Variants in RNLS observed in about 807,000 individuals in gnomAD.
The protein encoded by RNLS is renalase.
A neutral mutation model predicts 39.8 loss-of-function variants in RNLS; 39 were observed. That is an observed-to-expected ratio of 0.98 (90% confidence interval 0.76 to 1.28). The LOEUF is 1.28. RNLS is among the 50% of genes most tolerant of loss of function. The pLI is 0.00. For synonymous variants in RNLS, 147 were observed against 150.7 expected, an observed-to-expected ratio of 0.98 and a Z score of 0.18; for missense variants, 410 against 413.3, an observed-to-expected ratio of 0.99 and a Z score of 0.07.
chr10:88,248,894 G>A, the RNLS span, among the ~76,000 whole-genome samples: 1 of 152,150 alleles, frequency 6.6e-6, no homozygotes, highest in East Asian at 1.9e-4. Context: ...GAAGTTTCCT[G>A]AACATGCTGT....
chr10:88,224,248 A>G, the RNLS span, among the ~76,000 whole-genome samples: 24 of 152,292 alleles, frequency 1.6e-4, no homozygotes, highest in African/African-American at 5.5e-4. Context: ...TGCTTCACAG[A>G]TGGTGTTTTC....
At chr10:88,397,109 CA>C (rs1481060930) in intron 4 of RNLS, among the ~76,000 whole-genome samples, 1 of 151,854 alleles carries the variant, frequency 6.6e-6, no homozygotes, top group Non-Finnish European at 1.5e-5. Context: ...CACTATAAAC[CA>C]ATTAAACCTG....
At chr10:88,546,300 A>G (rs1848310167) in intron 4 of RNLS, among the ~76,000 whole-genome samples, 1 of 152,028 alleles carries the variant, frequency 6.6e-6, no homozygotes, top group Non-Finnish European at 1.5e-5. Context: ...CATTTTGTAA[A>G]TGTAAGAGTA....
intron 4 of RNLS, among the ~76,000 whole-genome samples, chr10:88,409,744 A>T (rs939653477): frequency 6.6e-6 from 1 of 152,138 alleles, no homozygotes; most frequent in South Asian, 2.1e-4. Flanking sequence ...CAGAGCTGAA[A>T]TTCATTTCTG....
chr10:88,502,751 C>T (rs1246641069), intron 4 of RNLS, among the ~76,000 whole-genome samples: 6 of 152,198 alleles, frequency 3.9e-5, no homozygotes, highest in African/African-American at 1.4e-4. Context: ...AGAAGGGCTA[C>T]ACATTAGGAA....
intron 4 of RNLS, among the ~76,000 whole-genome samples, chr10:88,510,671 C>T (rs1232924510): frequency 6.6e-6 from 1 of 151,660 alleles, no homozygotes; most frequent in South Asian, 2.1e-4. Flanking sequence ...GGTAAAATCC[C>T]GTCTCTAATA....
Position 88,285,446 on chromosome 10 carries a change from C to G in RNLS, c.937G>C (p.Ala313Pro), listed in dbSNP as rs749655770. ...TGAGTAAATCCATCCCCTCCACATGCAAGGAAAGGTTTGTGATGCAGAGTC... is the reference window on the plus strand; with the variant it reads ...TGAGTAAATCCATCCCCTCCACATGGAAGGAAAGGTTTGTGATGCAGAGTC... ...QMTLHHKPFL[A>P]CGGDGFTQSN... Residue 313 changes from alanine (A) to proline (P), a missense_variant, in exon 7 of 7, where the codon GCA (alanine) becomes CCA (proline). Physicochemically the swap from Ala to Pro is conservative, Grantham distance 27. Transcript: ENST00000331772. The G allele has an allele frequency of 6.2e-7, 1 of 1,613,280 alleles. No homozygotes were observed. The highest frequency in any genetic ancestry group is 1.1e-5 in the South Asian group (1 of 91,048).
intron 5 of RNLS, among the ~76,000 whole-genome samples, chr10:88,354,279 G>T (rs1408662758): frequency 6.6e-6 from 1 of 152,120 alleles, no homozygotes; most frequent in African/African-American, 2.4e-5. Flanking sequence ...TGGTTATTTT[G>T]CTCGTTAGTT....
intron 5 of RNLS, among the ~76,000 whole-genome samples, chr10:88,330,531 T>G (rs1847034628): frequency 6.6e-6 from 1 of 152,102 alleles, no homozygotes; most frequent in South Asian, 2.1e-4. Context: ...AATCAGAAAC[T>G]AAAATTCTTA....
At chr10:88,241,266 G>A in the RNLS span, among the ~76,000 whole-genome samples, 4 of 148,198 alleles carry the variant, frequency 2.7e-5, no homozygotes, top group African/African-American at 4.9e-5. Flanking sequence ...AAAAAAGTCC[G>A]CAAAGTTTTC....
chr10:88,351,394 A>G (rs866961249), intron 5 of RNLS, among the ~76,000 whole-genome samples: 33 of 152,280 alleles, frequency 2.2e-4, no homozygotes, highest in African/African-American at 6.3e-4. Context: ...TCCATCTTGA[A>G]TTAATTTTTG....
intron 4 of RNLS, among the ~76,000 whole-genome samples, chr10:88,367,121 A>G (rs2133400064): frequency 6.6e-6 from 1 of 152,160 alleles, no homozygotes; most frequent in East Asian, 1.9e-4. Flanking sequence ...CATAGAGAAA[A>G]TTATGCCTTG....
At chr10:88,267,343 C>T in the RNLS span, among the ~76,000 whole-genome samples, 1 of 152,192 alleles carries the variant, frequency 6.6e-6, no homozygotes, top group South Asian at 2.1e-4. Context: ...TTGGGAGGCT[C>T]AGTCAGGAGG....
intron 4 of RNLS, among the ~76,000 whole-genome samples, chr10:88,382,088 C>A (rs1003486818): frequency 4.6e-5 from 7 of 152,042 alleles, no homozygotes; most frequent in African/African-American, 7.2e-5. Context: ...TATTGCTTTG[C>A]AGTGCTGCTG....
chr10:88,194,922 CT>C, the RNLS span, among the ~76,000 whole-genome samples: 1 of 152,068 alleles, frequency 6.6e-6, no homozygotes, highest in Non-Finnish European at 1.5e-5. Context: ...ACTTTGTTTT[CT>C]TTTTTAGCTT....
chr10:88,483,626 T>C (rs149070509), intron 4 of RNLS, among the ~76,000 whole-genome samples: 8 of 152,260 alleles, frequency 5.3e-5, no homozygotes, highest in African/African-American at 7.2e-5. Context: ...TCTTCTATTA[T>C]AGAAGTTGCG....
At chr10:88,490,847 G>T (rs1483976340) in intron 4 of RNLS, among the ~76,000 whole-genome samples, 1 of 151,976 alleles carries the variant, frequency 6.6e-6, no homozygotes, top group East Asian at 1.9e-4. Context: ...AAACCCTGGG[G>T]CATTTCAAAA....
At chr10:88,501,740 T>A (rs1307878418) in intron 4 of RNLS, among the ~76,000 whole-genome samples, 1 of 152,200 alleles carries the variant, frequency 6.6e-6, no homozygotes, top group East Asian at 1.9e-4. Flanking sequence ...AGACATCATC[T>A]ATAAAATGAA....
At chr10:88,457,294 A>T (rs1006297125) in intron 4 of RNLS, among the ~76,000 whole-genome samples, 3 of 152,208 alleles carry the variant, frequency 2.0e-5, no homozygotes, top group Non-Finnish European at 4.4e-5. Context: ...GTTTTTGTAA[A>T]GAGTTTGGGG....
Sources: allele counts gnomAD v4.1 joint callset (sites outside exome capture counted in the v4.1 genomes callset), GRCh38; gene constraint gnomAD v4.1.1; transcripts MANE v1.5; gene names NCBI Gene and HGNC (gene_info 2026-07-23, HGNC 2026-07-21).